RBPJ: variants seen among roughly 807,000 people sequenced by gnomAD.
RBPJ encodes recombination signal binding protein for immunoglobulin kappa J region, also known as recombining binding protein suppressor of hairless.
A neutral mutation model predicts 67.8 loss-of-function variants in RBPJ; 9 were observed. The observed-to-expected ratio is 0.13, with a 90% CI of 0.08 to 0.23. The LOEUF is 0.23. Among genes scored for constraint, RBPJ ranks in the 10% least tolerant of loss-of-function variants. The pLI is 1.00. For missense variants in RBPJ, 305 were observed against 595.6 expected (o/e 0.51, Z 5.08); for synonymous variants, 198 against 203.3 (o/e 0.97, Z 0.22).
Position 26,430,094 on chromosome 4 carries a change from G to C in RBPJ, c.1044+41G>C. 6.2e-7 allele frequency: 1 copy of C among 1,602,050 alleles called. No homozygotes were observed. Among genetic ancestry groups the C allele is most frequent in the Non-Finnish European group, 8.5e-7 (1 of 1,170,086 alleles). On this transcript the variant is annotated intron_variant, in intron 9 of 10. Transcript: ENST00000355476. The surrounding 1 kb of genome is among the most constrained non-coding windows in gnomAD (Gnocchi z 4.1). ...CCAAGTTGGCCTTCAGCTCTTTGCA[G>C]CTACTCTCAGCTGTGACCTGGCATC...
At chr4:26,217,267 G>A (rs1718752386) in intron 1 of RBPJ, among the ~76,000 whole-genome samples, 3 of 152,148 alleles carry the variant, frequency 2.0e-5, no homozygotes, top group Admixed American at 6.6e-5. Flanking sequence ...TATTCTGAAA[G>A]GCTGCAAGAT....
At chr4:26,366,277 T>TTTTG (rs1560297814) in intron 1 of RBPJ, among the ~76,000 whole-genome samples, 18 of 152,144 alleles carry the variant, frequency 1.2e-4, no homozygotes, top group African/African-American at 3.1e-4. Flanking sequence ...CAGTAGTTTT[T>TTTTG]TTTTGTTTTG....
At chr4:26,145,481 G>C in the RBPJ span, among the ~76,000 whole-genome samples, 1 of 152,168 alleles carries the variant, frequency 6.6e-6, no homozygotes, top group Non-Finnish European at 1.5e-5. Flanking sequence ...ACTAATCTTC[G>C]AGTCCAGTGC....
At chr4:26,386,847 T>A (rs1730967010) in intron 2 of RBPJ, among the ~76,000 whole-genome samples, 1 of 152,196 alleles carries the variant, frequency 6.6e-6, no homozygotes, top group African/African-American at 2.4e-5. Flanking sequence ...ATTATGAATG[T>A]TGAAAGTATT....
At chr4:26,128,091 C>T in the RBPJ span, among the ~76,000 whole-genome samples, 2 of 152,324 alleles carry the variant, frequency 1.3e-5, no homozygotes, top group Admixed American at 1.3e-4. Flanking sequence ...CAGCAGCAGC[C>T]AGGCCAAGGC....
intron 1 of RBPJ, among the ~76,000 whole-genome samples, chr4:26,268,218 C>T (rs1720767098): frequency 6.6e-6 from 1 of 151,996 alleles, no homozygotes; most frequent in Admixed American, 6.6e-5. Context: ...GTCAGAAAAC[C>T]ATGTTCTTTG....
chr4:26,232,348 G>C (rs1719318419), intron 1 of RBPJ, among the ~76,000 whole-genome samples: 1 of 152,072 alleles, frequency 6.6e-6, no homozygotes, highest in African/African-American at 2.4e-5. Flanking sequence ...CCCATCACCT[G>C]GGTATTAAGC....
At chr4:26,331,252 A>G (rs184823063) in intron 1 of RBPJ, among the ~76,000 whole-genome samples, 14 of 152,268 alleles carry the variant, frequency 9.2e-5, no homozygotes, top group Non-Finnish European at 1.8e-4. Flanking sequence ...GCACGCCACC[A>G]TGCCTAGCTG....
intron 3 of RBPJ, among the ~76,000 whole-genome samples, chr4:26,410,877 G>A (rs1733942152): frequency 1.3e-5 from 2 of 152,198 alleles, no homozygotes; most frequent in Non-Finnish European, 2.9e-5. Context: ...AATTTTAAAT[G>A]TGTGCATATC....
chr4:26,308,907 T>G (rs1459263336), intron 1 of RBPJ, among the ~76,000 whole-genome samples: 2 of 152,194 alleles, frequency 1.3e-5, no homozygotes, highest in Admixed American at 1.3e-4. Context: ...AAAGGGATCT[T>G]TTTTTCTGTT....
chr4:26,187,328 C>T (rs1717306581), intron 1 of RBPJ, among the ~76,000 whole-genome samples: 1 of 152,138 alleles, frequency 6.6e-6, no homozygotes, highest in Admixed American at 6.5e-5. Flanking sequence ...TGTTTTTCTT[C>T]CCCCTCAGGA....
In RBPJ at chr4:26,362,545, T is replaced by A. The variant is rs1392110462; in HGVS notation, c.21-23808T>A. The A allele has an allele frequency of 9.3e-6, 15 of 1,607,414 alleles. No individual in the cohort carries two copies. The African/African-American group carries it at 9.4e-5, about 10-fold the overall frequency. ...AGGAGAATGATACAGATACACTGGC[T>A]GAGGTGTTTTGAGGTGCATCGAAGT... On this transcript the variant is annotated intron_variant, in intron 1 of 10. Coordinates refer to ENST00000355476, the MANE Select transcript of RBPJ (RefSeq NM_015874.6).
At chr4:26,152,107 A>G in the RBPJ span, among the ~76,000 whole-genome samples, 1 of 152,212 alleles carries the variant, frequency 6.6e-6, no homozygotes, top group Admixed American at 6.5e-5. Context: ...CTCAGAATAA[A>G]TAGCTGGCAA....
chr4:26,109,103 C>CTT, the RBPJ span, among the ~76,000 whole-genome samples: 105 of 129,980 alleles, frequency 8.1e-4, no homozygotes, highest in Middle Eastern at 4.2e-3. Context: ...TTGCCTTCCT[C>CTT]TTTTTTTTTT....
intron 1 of RBPJ, among the ~76,000 whole-genome samples, chr4:26,322,513 A>T (rs1723189867): frequency 6.6e-6 from 1 of 152,074 alleles, no homozygotes; most frequent in South Asian, 2.1e-4. Flanking sequence ...TGCCCTGTAG[A>T]TGCGTGACAA....
intron 1 of RBPJ, among the ~76,000 whole-genome samples, chr4:26,210,666 C>CTT (rs1323539648): frequency 4.5e-5 from 1 of 22,262 alleles, no homozygotes; most frequent in Non-Finnish European, 1.1e-4. Flanking sequence ...TTTCTTTTTT[C>CTT]TTTCTTTCTT....
intron 1 of RBPJ, among the ~76,000 whole-genome samples, chr4:26,323,857 A>G (rs1360060361): frequency 6.6e-6 from 1 of 152,190 alleles, no homozygotes; most frequent in Non-Finnish European, 1.5e-5. Context: ...GTTATTATAC[A>G]TCTCATTCTT....
upstream of RBPJ, chr4:26,320,844 G>T: frequency 6.4e-7 from 1 of 1,567,618 alleles, no homozygotes; most frequent in South Asian, 1.2e-5. Context: ...CAGCGAGCAG[G>T]ATCCCCTACT....
chr4:26,380,814 T>C (rs1730239781), intron 1 of RBPJ, among the ~76,000 whole-genome samples: 2 of 152,192 alleles, frequency 1.3e-5, no homozygotes. Flanking sequence ...TCTTGTCTTA[T>C]TTAATTTTAA....
Sources: gnomAD v4.1 joint callset for allele counts (sites outside exome capture counted in the v4.1 genomes callset) on GRCh38, gnomAD v4.1.1 for gene constraint, Gnocchi (gnomAD v3.1) non-coding constraint, MANE v1.5 for transcripts, NCBI Gene and HGNC (gene_info 2026-07-23, HGNC 2026-07-21) for gene names.